DAB2IP: variants seen among roughly 807,000 people sequenced by gnomAD.
The protein encoded by DAB2IP is disabled homolog 2-interacting protein.
In DAB2IP, 28 loss-of-function variants were observed where a neutral mutation model predicts 107.2. The observed-to-expected ratio is 0.26, with a 90% CI of 0.19 to 0.36. The LOEUF is 0.36. Among genes scored for constraint, DAB2IP ranks in the 10% least tolerant of loss-of-function variants. The pLI is 1.00. For synonymous variants in DAB2IP, 755 were observed against 706.4 expected (o/e 1.07, Z -1.09); for missense variants, 1,400 against 1,644.7 (o/e 0.85, Z 2.57).
At chr9:121,648,141 G>A (rs1832604353), upstream of DAB2IP, among the ~76,000 whole-genome samples, 1 of 152,040 alleles carries the variant, frequency 6.6e-6, no homozygotes, top group African/African-American at 2.4e-5. Flanking sequence ...ACTACAAATT[G>A]GGTTTAGTGT....
At chr9:121,752,599 G>A (rs1489680235) in intron 3 of DAB2IP, among the ~76,000 whole-genome samples, 1 of 152,230 alleles carries the variant, frequency 6.6e-6, no homozygotes, top group Non-Finnish European at 1.5e-5. Flanking sequence ...GACAGCATGT[G>A]CCTGGGGCCC....
intron 2 of DAB2IP, among the ~76,000 whole-genome samples, chr9:121,694,054 C>T (rs1016253733): frequency 6.6e-6 from 1 of 152,156 alleles, no homozygotes; most frequent in African/African-American, 2.4e-5. Flanking sequence ...CAGGTCTTCA[C>T]TGGGAGCCCC....
chr9:121,665,592 C>G (rs1381622316), intron 1 of DAB2IP, among the ~76,000 whole-genome samples: 1 of 152,142 alleles, frequency 6.6e-6, no homozygotes. Context: ...TGTGGAGTGA[C>G]TGTATGAAAG....
At chr9:121,611,410 A>G (rs1437062476) in intron 1 of DAB2IP, among the ~76,000 whole-genome samples, 1 of 152,114 alleles carries the variant, frequency 6.6e-6, no homozygotes, top group Non-Finnish European at 1.5e-5. Flanking sequence ...CAGACAGGCT[A>G]AGGGTGTGTG....
chr9:121,781,343 C>A, intron 14 of DAB2IP, 121 bp from the exon 15 acceptor site: 1 of 952,420 alleles, frequency 1.0e-6, no homozygotes, highest in African/African-American at 1.6e-5. Context: ...AAGTCTCTGA[C>A]CCAAGGAGGG....
intron 1 of DAB2IP, among the ~76,000 whole-genome samples, chr9:121,611,393 A>C (rs1451088609): frequency 6.6e-6 from 1 of 152,176 alleles, no homozygotes; most frequent in African/African-American, 2.4e-5. Flanking sequence ...AAGGAAGCTG[A>C]GTACAGCAGA....
At chr9:121,692,611 C>T (rs1829217603) in intron 2 of DAB2IP, among the ~76,000 whole-genome samples, 2 of 152,162 alleles carry the variant, frequency 1.3e-5, no homozygotes, top group Admixed American at 6.5e-5. Context: ...CTACCTTCTC[C>T]AGGCGGAATA....
intron 3 of DAB2IP, among the ~76,000 whole-genome samples, chr9:121,755,377 G>A (rs1336640829): frequency 6.6e-6 from 1 of 152,244 alleles, no homozygotes; most frequent in African/African-American, 2.4e-5. Context: ...GCCCCAGGTG[G>A]GAGTCCTTGT....
intron 9 of DAB2IP, 106 bp from the exon 10 acceptor site, chr9:121,768,326 G>C: frequency 8.2e-7 from 1 of 1,219,230 alleles, no homozygotes; most frequent in Non-Finnish European, 1.2e-6. Context: ...AATGGAGTGG[G>C]AGCCTGCCAT....
At chr9:121,745,775 A>G (rs1258541200) in intron 3 of DAB2IP, among the ~76,000 whole-genome samples, 1 of 152,206 alleles carries the variant, frequency 6.6e-6, no homozygotes, top group East Asian at 1.9e-4. Context: ...CCTTTGGCCC[A>G]GTGCTCCTTC....
intron 3 of DAB2IP, among the ~76,000 whole-genome samples, chr9:121,720,494 T>A (rs973620655): frequency 6.6e-6 from 1 of 152,228 alleles, no homozygotes; most frequent in African/African-American, 2.4e-5. Flanking sequence ...AGGTATTTAT[T>A]TCCCTGTTTT....
intron 3 of DAB2IP, among the ~76,000 whole-genome samples, chr9:121,726,874 C>T (rs1409060876): frequency 6.6e-6 from 1 of 152,134 alleles, no homozygotes; most frequent in Non-Finnish European, 1.5e-5. Context: ...GGGTCTCTTT[C>T]CCCACCCTAC....
At chr9:121,739,299 G>A (rs953299294) in intron 3 of DAB2IP, among the ~76,000 whole-genome samples, 1 of 152,220 alleles carries the variant, frequency 6.6e-6, no homozygotes, top group Admixed American at 6.5e-5. Context: ...AGACTTTGGT[G>A]TGTGTGGTGG....
chr9:121,587,961 C>G, intron 1 of DAB2IP, among the ~76,000 whole-genome samples: 1 of 152,194 alleles, frequency 6.6e-6, no homozygotes, highest in East Asian at 1.9e-4. Flanking sequence ...AATCCTACCC[C>G]CATCTCCTCA....
intron 3 of DAB2IP, among the ~76,000 whole-genome samples, chr9:121,734,890 C>T (rs1458956733): frequency 2.0e-5 from 3 of 152,172 alleles, no homozygotes; most frequent in Non-Finnish European, 4.4e-5. Context: ...TGTTTGTTGC[C>T]ATGATCATGA....
At chr9:121,712,114 C>T (rs1830365582) in intron 3 of DAB2IP, among the ~76,000 whole-genome samples, 1 of 152,158 alleles carries the variant, frequency 6.6e-6, no homozygotes. Flanking sequence ...TTCCTGGACT[C>T]CTCTGCTTTT....
At chr9:121,638,396 TG>T (rs909837521) in intron 1 of DAB2IP, among the ~76,000 whole-genome samples, 1 of 152,202 alleles carries the variant, frequency 6.6e-6, no homozygotes, top group African/African-American at 2.4e-5. Flanking sequence ...TTTGGTATCC[TG>T]GATCCAATAC....
At chr9:121,597,188 G>A (rs914671315) in intron 1 of DAB2IP, among the ~76,000 whole-genome samples, 1 of 152,050 alleles carries the variant, frequency 6.6e-6, no homozygotes, top group African/African-American at 2.4e-5. Context: ...TGTTTTTCTT[G>A]ATGATTTATG....
chr9:121,589,040 C>T (rs1056049536), intron 1 of DAB2IP, among the ~76,000 whole-genome samples: 6 of 152,146 alleles, frequency 3.9e-5, no homozygotes, highest in Non-Finnish European at 8.8e-5. Context: ...TGACCTAACC[C>T]TTCCTGTCCT....
Sources: allele counts gnomAD v4.1 joint callset (sites outside exome capture counted in the v4.1 genomes callset), GRCh38; gene constraint gnomAD v4.1.1; transcripts MANE v1.5; gene names NCBI Gene and HGNC (gene_info 2026-07-23, HGNC 2026-07-21).